Variants in PPP2R5E observed in about 807,000 individuals in gnomAD.
The protein encoded by PPP2R5E is protein phosphatase 2 regulatory subunit B'epsilon, also known as serine/threonine-protein phosphatase 2A 56 kDa regulatory subunit epsilon isoform.
PPP2R5E carries 4 observed loss-of-function variants against 65.3 expected under a neutral mutation model. The observed-to-expected ratio is 0.06, with a 90% confidence interval of 0.03 to 0.14. The LOEUF (loss-of-function observed/expected upper bound fraction) is 0.14. Among genes scored for constraint, PPP2R5E ranks in the 10% least tolerant of loss-of-function variants. The pLI, the probability that PPP2R5E is intolerant of heterozygous loss-of-function variation, is 1.00. For missense variants in PPP2R5E, 274 were observed against 556.1 expected (o/e 0.49, Z 5.10); for synonymous variants, 183 against 187.4 (o/e 0.98, Z 0.19).
At chr14:63,487,168 T>C (rs1891039301) in intron 2 of PPP2R5E, among the ~76,000 whole-genome samples, 1 of 152,202 alleles carries the variant, frequency 6.6e-6, no homozygotes, top group Admixed American at 6.5e-5. Flanking sequence ...AGAAAGTTAT[T>C]TGTCGAGAAA....
At chr14:63,470,455 A>G (rs145703936) in intron 2 of PPP2R5E, among the ~76,000 whole-genome samples, 2,799 of 150,746 alleles carry the variant, frequency 0.019, 102 homozygotes, top group African/African-American at 0.065. Flanking sequence ...TAACCTTTCC[A>G]TAAGTTTAAA....
intron 11 of PPP2R5E, among the ~76,000 whole-genome samples, chr14:63,387,482 C>T (rs1283521206): frequency 6.6e-6 from 1 of 152,120 alleles, no homozygotes; most frequent in African/African-American, 2.4e-5. Flanking sequence ...ATCTTAATGC[C>T]ATACCTGAAG....
intron 8 of PPP2R5E, among the ~76,000 whole-genome samples, chr14:63,393,541 G>A (rs972100731): frequency 5.9e-5 from 9 of 151,882 alleles, no homozygotes; most frequent in Non-Finnish European, 7.4e-5. Context: ...GTAAAACCCC[G>A]TCTCTACTAA....
At chr14:63,542,147 A>T (rs1002972963) in intron 1 of PPP2R5E, among the ~76,000 whole-genome samples, 2 of 152,106 alleles carry the variant, frequency 1.3e-5, no homozygotes, top group African/African-American at 2.4e-5. Flanking sequence ...GGTAGCTTTT[A>T]AAAAAATCAT....
chr14:63,504,505 C>T (rs1391993934), intron 2 of PPP2R5E, among the ~76,000 whole-genome samples: 1 of 152,112 alleles, frequency 6.6e-6, no homozygotes, highest in Non-Finnish European at 1.5e-5. Context: ...TGGCTTGAAC[C>T]TAGGAGGCGG....
Position 63,527,648 on chromosome 14 carries a change from C to T in PPP2R5E, c.157+11881G>A, listed in dbSNP as rs151083154. On this transcript the variant is annotated intron_variant, in intron 2 of 13. Coordinates refer to ENST00000337537, the MANE Select transcript of PPP2R5E (RefSeq NM_006246.5). ...AAGAAAACCAAGGCTTAGAAGTCAG[C>T]TCCTGGCCAGGTGTGGTGGCTCAAT... Among the ~76,000 whole-genome samples the T allele has an allele frequency of 1.8e-3, 272 of 152,196 alleles. 2 individuals carry two copies. The highest frequency in any genetic ancestry group is 6.5e-3 in the African/African-American group (268 of 41,542).
chr14:63,427,312 T>C (rs112906183), intron 3 of PPP2R5E, among the ~76,000 whole-genome samples: 1 of 152,092 alleles, frequency 6.6e-6, no homozygotes, highest in Non-Finnish European at 1.5e-5. Context: ...AAGTGGACTA[T>C]CAAAAATGAA....
chr14:63,462,007 C>T (rs940981367), intron 2 of PPP2R5E, among the ~76,000 whole-genome samples: 3 of 152,026 alleles, frequency 2.0e-5, no homozygotes, highest in African/African-American at 7.3e-5. Context: ...TTCCTTTCTT[C>T]CAATACTTTT....
At position 63,466,946 on chromosome 14, in the gene PPP2R5E, G is replaced by A. The variant is rs567999449; in HGVS notation, c.158-13061C>T. Reference sequence around the variant, plus strand: ...AGAAAAGTATTTAAAAACATTATTGGCCGGGTGCAGTGGCTCACGCCTGTA... The same window carrying A: ...AGAAAAGTATTTAAAAACATTATTGACCGGGTGCAGTGGCTCACGCCTGTA... On this transcript the variant is annotated intron_variant, in intron 2 of 13. Transcript: ENST00000337537. 1.5e-3 allele frequency among the ~76,000 whole-genome samples: 226 copies of A among 152,246 alleles called. 11 individuals are homozygous for A. The South Asian group carries it at 0.045, about 31-fold the overall frequency.
chr14:63,460,940 G>A (rs1889424364), intron 2 of PPP2R5E, among the ~76,000 whole-genome samples: 1 of 152,212 alleles, frequency 6.6e-6, no homozygotes, highest in African/African-American at 2.4e-5. Flanking sequence ...TGCACACAGT[G>A]ATAAATGACA....
intron 2 of PPP2R5E, among the ~76,000 whole-genome samples, chr14:63,510,717 A>T (rs946182410): frequency 6.6e-6 from 1 of 152,250 alleles, no homozygotes; most frequent in Admixed American, 6.5e-5. Flanking sequence ...AGAAAGAGCC[A>T]CATCATGTAA....
At chr14:63,509,267 C>CTTTT (rs10553696) in intron 2 of PPP2R5E, among the ~76,000 whole-genome samples, 6 of 108,062 alleles carry the variant, frequency 5.6e-5, no homozygotes, top group Non-Finnish European at 8.9e-5. Flanking sequence ...TTAAAATATC[C>CTTTT]TTTTTTTTTT....
Position 63,495,489 on chromosome 14 carries a change from G to A in PPP2R5E, c.158-41604C>T, listed in dbSNP as rs189867577. The stretch of plus-strand genomic sequence containing the variant: ...CCAGCAACTAGGGAGGCTGAGGCAG[G>A]AGAACTGCTTGAACCCGGGAGGCAG... On this transcript the variant is annotated intron_variant, in intron 2 of 13. Coordinates refer to ENST00000337537, the MANE Select transcript of PPP2R5E (RefSeq NM_006246.5). Among the ~76,000 whole-genome samples the A allele has an allele frequency of 3.6e-3, 545 of 151,218 alleles. 4 individuals are homozygous for A. The highest frequency in any genetic ancestry group is 0.011 in the African/African-American group (471 of 41,190).
At chr14:63,422,184 A>G in intron 3 of PPP2R5E, 90 bp from the exon 4 acceptor site, 1 of 1,002,750 alleles carries the variant, frequency 1.0e-6, no homozygotes, top group Non-Finnish European at 1.6e-6. Flanking sequence ...GGGAACCCAG[A>G]TAACAATGCA....
chr14:63,389,631 A>G lies in PPP2R5E; in HGVS notation c.1055T>C (p.Val352Ala). 6.2e-7 allele frequency: 1 copy of G among 1,610,834 alleles called. No individual in the cohort carries two copies. Among genetic ancestry groups the G allele is most frequent in the Non-Finnish European group, 8.5e-7 (1 of 1,179,428 alleles). The change falls in exon 11 of 14, where the codon GTA (valine) becomes GCA (alanine). Residue 352 changes from valine to alanine, a missense_variant. By Grantham distance (64) the Val-to-Ala change is moderately conservative. Transcript: ENST00000337537. ...ACTAACCTGAAAATGGGGGCTAGATACACACTTGGCGATTTGTTTAAACAA... is the reference window on the plus strand; with the variant it reads ...ACTAACCTGAAAATGGGGGCTAGATGCACACTTGGCGATTTGTTTAAACAA... ...EPLFKQIAKC[V>A]SSPHFQVAER...
chr14:63,480,141 G>A lies in PPP2R5E; in HGVS notation c.158-26256C>T, dbSNP rs146801230. ...AATTTTAAGGAAATTCATTTCCACA[G>A]CCTCAATTTTCTTTTTCTTAAGAGT... is the stretch of plus-strand genomic sequence containing the variant. On this transcript the variant is annotated intron_variant, in intron 2 of 13. Transcript: ENST00000337537. Among the ~76,000 whole-genome samples, 520 of 152,220 alleles carry A rather than the reference G, an allele frequency of 3.4e-3. 1 individual carries two copies. Among genetic ancestry groups the A allele is most frequent in the African/African-American group, 0.012 (492 of 41,536 alleles).
chr14:63,392,222 G>A (rs1030220630), intron 8 of PPP2R5E, among the ~76,000 whole-genome samples, 197 bp from the exon 9 acceptor site: 2 of 152,096 alleles, frequency 1.3e-5, no homozygotes, highest in African/African-American at 4.8e-5. Context: ...ATATTAACAA[G>A]GCTCCAGGGA....
chr14:63,498,892 T>C (rs1317644311), intron 2 of PPP2R5E, among the ~76,000 whole-genome samples: 2 of 152,056 alleles, frequency 1.3e-5, no homozygotes, highest in African/African-American at 4.8e-5. Flanking sequence ...GACTATGAAA[T>C]ATAAAACTGC....
Position 63,373,475 on chromosome 14 carries a change from G to A in PPP2R5E, c.*2534C>T, listed in dbSNP as rs1883805071. 1 of 151,652 alleles carries A rather than the reference G, an allele frequency of 6.6e-6. No individual in the cohort carries two copies. Among genetic ancestry groups the A allele is most frequent in the Non-Finnish European group, 1.5e-5 (1 of 67,982 alleles). 9.4% of individuals were successfully genotyped at this position (151,652 alleles called of 1,614,324 possible). On this transcript the variant is annotated 3_prime_UTR_variant, in exon 14 of 14. Coordinates refer to ENST00000337537, the MANE Select transcript of PPP2R5E (RefSeq NM_006246.5). ...TACTCTGCGTCACCGCACACAACAT[G>A]ACTAATGTCACATTGTCACTTTCCA...
Sources: gnomAD v4.1 joint callset for allele counts (sites outside exome capture counted in the v4.1 genomes callset) on GRCh38, gnomAD v4.1.1 for gene constraint, MANE v1.5 for transcripts, NCBI Gene and HGNC (gene_info 2026-07-23, HGNC 2026-07-21) for gene names.